Variants in PAPOLG observed in about 807,000 individuals in gnomAD.
PAPOLG encodes the protein poly(A) polymerase gamma.
In PAPOLG, 40 loss-of-function variants were observed where a neutral mutation model predicts 99.0. The observed-to-expected ratio is 0.40, with a 90% CI of 0.31 to 0.53. The LOEUF (loss-of-function observed/expected upper bound fraction) is 0.53, where lower values mean the gene tolerates loss of function less well. PAPOLG is among the 20% of genes least tolerant of loss of function. The pLI is 0.41. For missense variants in PAPOLG, 675 were observed against 884.1 expected (o/e 0.76, Z 3.00); for synonymous variants, 310 against 299.3 (o/e 1.04, Z -0.37).
At chr2:60,759,086 T>A (rs189829697) in intron 1 of PAPOLG, among the ~76,000 whole-genome samples, 3 of 152,156 alleles carry the variant, frequency 2.0e-5, no homozygotes, top group Non-Finnish European at 2.9e-5. Context: ...GAACTTGAAT[T>A]GGCTGAGCGC....
At chr2:60,770,367 A>C in intron 5 of PAPOLG, 91 bp from the exon 6 acceptor site, 1 of 1,086,430 alleles carries the variant, frequency 9.2e-7, no homozygotes, top group Non-Finnish European at 1.3e-6. Context: ...TAAAATACAA[A>C]TCGGGAGTAA....
Position 60,787,543 on chromosome 2 carries a change from T to C in PAPOLG, c.1319T>C (p.Ile440Thr), listed in dbSNP as rs1244313867. 3 of 1,614,102 alleles carry C rather than the reference T, an allele frequency of 1.9e-6. No individual in the cohort carries two copies. Among genetic ancestry groups the C allele is most frequent in the Non-Finnish European group, 1.7e-6 (2 of 1,179,998 alleles). The change falls in exon 15 of 22, where the codon ATA (isoleucine) becomes ACA (threonine). Residue 440 changes from isoleucine (I) to threonine (T), a missense_variant. By Grantham distance (89) the Ile-to-Thr change is moderately conservative. This residue lies in a region of PAPOLG where 413 missense variants were observed against 460.5 expected (regional missense o/e 0.90). Coordinates refer to ENST00000238714, the MANE Select transcript of PAPOLG (RefSeq NM_022894.4). The part of the protein sequence containing the change: ...NNYVSMWFLG[I>T]IFRRVENAES... ...TACGTATCAATGTGGTTCCTTGGGA[T>C]AATTTTTCGGAGAGTAGAAAATGCA...
At chr2:60,795,266 A>G (rs1332403234) in intron 21 of PAPOLG, 1 of 617,424 alleles carries the variant, frequency 1.6e-6, no homozygotes, top group African/African-American at 1.8e-5. Context: ...GATTATGTTC[A>G]CCCTTTGTTT....
intron 7 of PAPOLG, among the ~76,000 whole-genome samples, chr2:60,774,247 G>C (rs938622974): frequency 6.6e-6 from 1 of 150,836 alleles, no homozygotes; most frequent in African/African-American, 2.4e-5. Flanking sequence ...TTTATCCACT[G>C]TTTCTTTTGC....
chr2:60,787,332 C>G (rs1267801001), intron 14 of PAPOLG, 179 bp from the exon 15 acceptor site: 1 of 363,704 alleles, frequency 2.7e-6, no homozygotes, highest in Non-Finnish European at 3.8e-6. Flanking sequence ...TAATCCTTCT[C>G]AGAACAACAG....
intron 13 of PAPOLG, among the ~76,000 whole-genome samples, chr2:60,784,841 T>G (rs1156383128): frequency 6.6e-6 from 1 of 152,220 alleles, no homozygotes; most frequent in African/African-American, 2.4e-5. Flanking sequence ...ACCCTAAAAT[T>G]TACTATTTAG....
At chr2:60,784,675 C>T (rs1244503711) in intron 13 of PAPOLG, among the ~76,000 whole-genome samples, 1 of 152,194 alleles carries the variant, frequency 6.6e-6, no homozygotes, top group Non-Finnish European at 1.5e-5. Flanking sequence ...GATCTGCAGT[C>T]AGAAAATAGG....
At chr2:60,788,614 C>G (rs1360229855) in intron 15 of PAPOLG, among the ~76,000 whole-genome samples, 1 of 152,194 alleles carries the variant, frequency 6.6e-6, no homozygotes, top group African/African-American at 2.4e-5. Flanking sequence ...GCCACCTCGC[C>G]TGGCTGAATG....
At chr2:60,795,652 A>G (rs1671673935) in intron 21 of PAPOLG, among the ~76,000 whole-genome samples, 1 of 150,572 alleles carries the variant, frequency 6.6e-6, no homozygotes, top group East Asian at 1.9e-4. Flanking sequence ...ATAATGATAA[A>G]TAATTATAAA....
intron 19 of PAPOLG, 167 bp downstream of exon 19, chr2:60,794,358 C>G: frequency 1.4e-6 from 1 of 729,324 alleles, no homozygotes. Flanking sequence ...ATTGAAATTA[C>G]TAATACGTCT....
chr2:60,768,489 T>G lies in PAPOLG; in HGVS notation c.266T>G (p.Val89Gly), dbSNP rs758402554. 6.2e-7 allele frequency: 1 copy of G among 1,614,084 alleles called. No individual in the cohort carries two copies. The highest frequency in any genetic ancestry group is 8.5e-7 in the Non-Finnish European group (1 of 1,179,928). ...TTTTAGAACCTCCCACCTTCTGTTG[T>G]GGCTACTGTTGGTGGTAAAATTTTC... is the stretch of plus-strand genomic sequence containing the variant. ...SESKNLPPSVVATVGGKIFTF... is the reference protein window; with the variant it reads ...SESKNLPPSVGATVGGKIFTF... The change falls in exon 4 of 22, where the codon GTG (valine) becomes GGG (glycine). Residue 89 changes from valine to glycine, a missense_variant. By Grantham distance (109) the Val-to-Gly change is moderately radical (BLOSUM62 -3). Coordinates refer to ENST00000238714, the MANE Select transcript of PAPOLG (RefSeq NM_022894.4).
At chr2:60,791,296 A>T (rs1671527107) in intron 15 of PAPOLG, among the ~76,000 whole-genome samples, 1 of 152,188 alleles carries the variant, frequency 6.6e-6, no homozygotes. Context: ...TACGCCTATA[A>T]TCCCACCACT....
chr2:60,756,531 G>GT, intron 1 of PAPOLG, 36 bp downstream of exon 1: 1 of 1,533,836 alleles, frequency 6.5e-7, no homozygotes, highest in Non-Finnish European at 8.9e-7. Context: ...GGTGAGGCGG[G>GT]TAGGGGTGAG....
chr2:60,795,106 T>A, intron 21 of PAPOLG, 86 bp downstream of exon 21: 1 of 1,184,238 alleles, frequency 8.4e-7, no homozygotes, highest in Non-Finnish European at 1.2e-6. Flanking sequence ...ATTAAGAGCC[T>A]AGCACTGGGA....
chr2:60,758,072 T>C (rs1367850979), intron 1 of PAPOLG, among the ~76,000 whole-genome samples: 2 of 152,218 alleles, frequency 1.3e-5, no homozygotes, highest in Non-Finnish European at 2.9e-5. Flanking sequence ...ATGGCACTTA[T>C]TCAATACCCC....
intron 2 of PAPOLG, 65 bp downstream of exon 2, chr2:60,760,360 A>G (rs983946052): frequency 2.4e-5 from 34 of 1,421,364 alleles, no homozygotes; most frequent in Admixed American, 2.1e-4. Context: ...CTGCGAACAT[A>G]TTGAATACCT....
intron 9 of PAPOLG, 41 bp downstream of exon 9, chr2:60,779,816 T>G: frequency 1.4e-4 from 212 of 1,507,872 alleles, no homozygotes; most frequent in Non-Finnish European, 1.8e-4. Flanking sequence ...TACTAATCTC[T>G]ACCTATGCGT....
At chr2:60,794,676 A>G (rs750139942) in intron 19 of PAPOLG, 34 bp from the exon 20 acceptor site, 2 of 1,574,780 alleles carry the variant, frequency 1.3e-6, no homozygotes, top group Non-Finnish European at 1.7e-6. Flanking sequence ...TTGTAGGTAC[A>G]TAATAGCAAT....
At chr2:60,791,581 A>G (rs1258347547) in intron 15 of PAPOLG, 180 bp from the exon 16 acceptor site, 3 of 550,060 alleles carry the variant, frequency 5.5e-6, no homozygotes, top group East Asian at 3.7e-5. Context: ...GGATTCATGA[A>G]TAGGATTGTG....
Sources: gnomAD v4.1 joint callset for allele counts (sites outside exome capture counted in the v4.1 genomes callset) on GRCh38, gnomAD v4.1.1 for gene constraint, gnomAD v4.1.1 regional missense constraint, MANE v1.5 for transcripts, NCBI Gene and HGNC (gene_info 2026-07-23, HGNC 2026-07-21) for gene names.